The following PPP2R3A variants were observed in gnomAD, a reference collection of about 807,000 sequenced individuals.
PPP2R3A encodes protein phosphatase 2 regulatory subunit B''alpha.
In PPP2R3A, 80 loss-of-function variants were observed where a neutral mutation model predicts 106.9. The observed-to-expected ratio is 0.75, with a 90% CI of 0.62 to 0.90. The LOEUF (loss-of-function observed/expected upper bound fraction) is 0.90, where lower values mean the gene tolerates loss of function less well. PPP2R3A is among the 40% of genes least tolerant of loss of function. The pLI, the probability that PPP2R3A is intolerant of heterozygous loss-of-function variation, is 0.00. For synonymous variants in PPP2R3A, 483 were observed against 468.3 expected (o/e 1.03, Z -0.41); for missense variants, 1,386 against 1,350.4 (o/e 1.03, Z -0.41).
At chr3:136,128,249 G>A (rs1025948168) in intron 13 of PPP2R3A, among the ~76,000 whole-genome samples, 17 of 151,790 alleles carry the variant, frequency 1.1e-4, no homozygotes, top group Non-Finnish European at 2.1e-4. Context: ...ACCCACTGGT[G>A]TGCTGTATTC....
At chr3:136,132,830 G>A (rs141978814) in intron 13 of PPP2R3A, among the ~76,000 whole-genome samples, 169 of 151,988 alleles carry the variant, frequency 1.1e-3, no homozygotes, top group Middle Eastern at 3.4e-3. Flanking sequence ...AAAGTTGAAG[G>A]ACTAGATTAC....
rs192096099 is a variant in PPP2R3A, at chr3:136,038,902, C to T, written c.2263-1957C>T. Among the ~76,000 whole-genome samples the T allele has an allele frequency of 1.1e-3, 160 of 152,222 alleles. 1 individual carries two copies. In the Middle Eastern group the frequency reaches 0.014, roughly 13 times the overall value. On this transcript the variant is annotated intron_variant, in intron 3 of 13. Transcript: ENST00000264977. The stretch of plus-strand genomic sequence containing the variant: ...GCAACACCTTTCCCTCATTCTTGAC[C>T]CCAGTGGAGGTATGAGATATTCGAC...
chr3:136,116,262 C>T (rs370449892), intron 13 of PPP2R3A, among the ~76,000 whole-genome samples: 2 of 152,170 alleles, frequency 1.3e-5, no homozygotes, highest in East Asian at 1.9e-4. Context: ...TGGAGAGGAA[C>T]AACCGGTACC....
chr3:136,079,804 T>G (rs1559907768), intron 7 of PPP2R3A, among the ~76,000 whole-genome samples: 1 of 152,068 alleles, frequency 6.6e-6, no homozygotes. Flanking sequence ...AAATGATTTG[T>G]ATAAGATCAC....
chr3:135,986,050 A>T (rs1006265870), intron 1 of PPP2R3A, among the ~76,000 whole-genome samples: 1 of 152,154 alleles, frequency 6.6e-6, no homozygotes, highest in Non-Finnish European at 1.5e-5. Flanking sequence ...GCGGTGAGGA[A>T]CAAGAAAGGC....
chr3:136,116,117 C>T (rs1317341678), intron 13 of PPP2R3A, among the ~76,000 whole-genome samples: 1 of 152,086 alleles, frequency 6.6e-6, no homozygotes, highest in African/African-American at 2.4e-5. Context: ...AATTTTCAAC[C>T]CAGAATTTCA....
chr3:136,104,373 C>A (rs1937461815), intron 12 of PPP2R3A, among the ~76,000 whole-genome samples: 1 of 151,268 alleles, frequency 6.6e-6, no homozygotes, highest in Admixed American at 6.6e-5. Context: ...ATGGTGTGAT[C>A]TCGGCTCACC....
intron 5 of PPP2R3A, among the ~76,000 whole-genome samples, chr3:136,053,040 A>G (rs1483805180): frequency 3.9e-5 from 6 of 152,196 alleles, no homozygotes; most frequent in African/African-American, 1.4e-4. Context: ...CAGAAAACCA[A>G]ATACCACATG....
intron 3 of PPP2R3A, among the ~76,000 whole-genome samples, chr3:136,032,138 C>G (rs940893504): frequency 2.0e-5 from 3 of 152,068 alleles, no homozygotes; most frequent in South Asian, 2.1e-4. Flanking sequence ...TTGATTCTAC[C>G]CATCCATGAG....
chr3:135,993,768 T>G (rs1559856518), intron 1 of PPP2R3A, among the ~76,000 whole-genome samples: 1 of 152,230 alleles, frequency 6.6e-6, no homozygotes, highest in Non-Finnish European at 1.5e-5. Context: ...TGTAAAGGAA[T>G]GTACAATTGA....
chr3:136,114,309 C>T (rs1014026492), intron 13 of PPP2R3A, among the ~76,000 whole-genome samples: 1 of 152,198 alleles, frequency 6.6e-6, no homozygotes, highest in Non-Finnish European at 1.5e-5. Flanking sequence ...CCACCAGGGC[C>T]CTGAGTTTCA....
chr3:136,090,763 C>G, intron 10 of PPP2R3A, 96 bp downstream of exon 10: 1 of 876,278 alleles, frequency 1.1e-6, no homozygotes, highest in Non-Finnish European at 1.8e-6. Flanking sequence ...GCCAACTCAA[C>G]GTGGCAATAC....
chr3:136,054,522 GC>G (rs1317137655), intron 5 of PPP2R3A, among the ~76,000 whole-genome samples: 4 of 152,120 alleles, frequency 2.6e-5, no homozygotes, highest in African/African-American at 9.7e-5. Context: ...CTCCCAAAGT[GC>G]TGAGATTACA....
At chr3:136,042,448 A>T (rs1935320559) in intron 4 of PPP2R3A, among the ~76,000 whole-genome samples, 1 of 152,114 alleles carries the variant, frequency 6.6e-6, no homozygotes, top group African/African-American at 2.4e-5. Context: ...GCACGTGTTT[A>T]TCTATGTAAC....
rs557471315 is a variant in PPP2R3A at position 136,084,263 on chromosome 3, G to C, written c.2788+1842G>C. ...CTGCATCCCAGCTGTTTCAGCTCCA[G>C]CCATGGCTTAAAGGGGCCAACATAC... On this transcript the variant is annotated intron_variant, in intron 8 of 13. Transcript: ENST00000264977. Among the ~76,000 whole-genome samples, 4 of 152,334 alleles carry C rather than the reference G, an allele frequency of 2.6e-5. No individual in the cohort carries two copies. The South Asian group carries it at 8.3e-4, about 32-fold the overall frequency.
At position 136,145,110 on chromosome 3, in the gene PPP2R3A, T is replaced by C. The variant is rs1939062662; in HGVS notation, c.3397T>C (p.Leu1133=). 2 of 1,613,772 alleles carry C rather than the reference T, an allele frequency of 1.2e-6. No homozygotes were observed. The highest frequency in any genetic ancestry group is 2.2e-5 in the East Asian group (1 of 44,860). ...ATTTGGAAACAAAAGCAATAAAATA[T>C]TAAGTGCAAGCCTTCCAGAGAAATG... The part of the protein sequence containing the change: ...SEFGNKSNKI[L]SASLPEKCGK... Residue 1133 remains leucine (L), a synonymous_variant, in exon 14 of 14, where the codon TTA becomes CTA. Transcript: ENST00000264977.
chr3:136,104,298 T>TTG (rs55839641), intron 12 of PPP2R3A, among the ~76,000 whole-genome samples: 6,596 of 148,656 alleles, frequency 0.044, 173 homozygotes, highest in African/African-American at 0.063. Flanking sequence ...GTTTCTTTCT[T>TTG]TGTGTGTGTG....
intron 5 of PPP2R3A, among the ~76,000 whole-genome samples, chr3:136,064,432 C>G (rs1454292244): frequency 6.6e-6 from 1 of 151,784 alleles, no homozygotes; most frequent in Admixed American, 6.6e-5. Flanking sequence ...AAATAAGACT[C>G]TGGAGGGGTG....
At chr3:136,068,167 A>C (rs1936319169) in intron 5 of PPP2R3A, among the ~76,000 whole-genome samples, 1 of 152,110 alleles carries the variant, frequency 6.6e-6, no homozygotes, top group South Asian at 2.1e-4. Flanking sequence ...TCAGTGAGCC[A>C]AGATGGAGTC....
Sources: allele counts gnomAD v4.1 joint callset (sites outside exome capture counted in the v4.1 genomes callset), GRCh38; gene constraint gnomAD v4.1.1; transcripts MANE v1.5; gene names NCBI Gene and HGNC (gene_info 2026-07-23, HGNC 2026-07-21).